GLIS1: variants seen among roughly 807,000 people sequenced by gnomAD.
The protein encoded by GLIS1 is zinc finger protein GLIS1.
In GLIS1, 24 loss-of-function variants were observed where a neutral mutation model predicts 63.8. That is an observed-to-expected ratio of 0.38 (90% CI 0.27 to 0.53). The LOEUF is 0.53. Ranked by LOEUF, GLIS1 falls within the 20% of genes least tolerant of loss-of-function variation. The pLI is 0.85. For synonymous variants in GLIS1, 450 were observed against 482.5 expected, an observed-to-expected ratio of 0.93 and a Z score of 0.88; for missense variants, 1,036 against 1,074.1, an observed-to-expected ratio of 0.96 and a Z score of 0.50.
intron 2 of GLIS1, among the ~76,000 whole-genome samples, chr1:53,661,874 C>T (rs1342924410): frequency 6.6e-6 from 1 of 152,214 alleles, no homozygotes; most frequent in Non-Finnish European, 1.5e-5. Flanking sequence ...CAACCCAGGA[C>T]TGCCAACAGG....
chr1:53,583,117 G>A (rs1008153357), intron 4 of GLIS1, among the ~76,000 whole-genome samples: 1 of 152,170 alleles, frequency 6.6e-6, no homozygotes, highest in Admixed American at 6.5e-5. Flanking sequence ...GGCAACTAGG[G>A]ACAGCGGGAA....
At chr1:53,531,541 G>C (rs968894146) in intron 4 of GLIS1, among the ~76,000 whole-genome samples, 1 of 152,194 alleles carries the variant, frequency 6.6e-6, no homozygotes, top group African/African-American at 2.4e-5. Flanking sequence ...GTAATTTCTG[G>C]TGCGAGGCTG....
At chr1:53,525,308 C>A (rs1281914665) in intron 5 of GLIS1, among the ~76,000 whole-genome samples, 1 of 150,848 alleles carries the variant, frequency 6.6e-6, no homozygotes, top group African/African-American at 2.4e-5. Flanking sequence ...GGGAAGGGGG[C>A]ACCCACACAG....
In GLIS1 at chr1:53,562,507, A is replaced by C. The variant is rs183333220; in HGVS notation, c.1320+31601T>G. Among the ~76,000 whole-genome samples, 670 of 152,194 alleles carry C rather than the reference A, an allele frequency of 4.4e-3. 7 individuals carry two copies. The highest frequency in any genetic ancestry group is 0.015 in the African/African-American group (631 of 41,528). ...TGCTCCTAAAAGACTAGCACCCCAG[A>C]CCACAGCCGAACTGGCTCAACATCA... is the stretch of plus-strand genomic sequence containing the variant. On this transcript the variant is annotated intron_variant, in intron 4 of 10. Coordinates refer to ENST00000628545, the MANE Select transcript of GLIS1 (RefSeq NM_001367484.1).
intron 2 of GLIS1, among the ~76,000 whole-genome samples, chr1:53,694,629 A>G (rs1245529014): frequency 6.6e-6 from 1 of 152,106 alleles, no homozygotes; most frequent in Non-Finnish European, 1.5e-5. Context: ...TCCACCTCCT[A>G]CAGGCTGTGT....
Position 53,594,589 on chromosome 1 carries a change from C to T in GLIS1, c.839G>A (p.Arg280Gln), listed in dbSNP as rs200251480. ...TSLVTCVNGLRSPPLTGDLGG... is the reference protein window; with the variant it reads ...TSLVTCVNGLQSPPLTGDLGG... The stretch of plus-strand genomic sequence containing the variant: ...CAGATCTCCCGTCAGAGGGGGGCTC[C>T]GGAGTCCATTTACACAGGTGACCAG... Residue 280 changes from arginine to glutamine, a missense_variant, in exon 4 of 11, where the codon CGG becomes CAG. By Grantham distance (43) the Arg-to-Gln change is conservative. This residue lies in a region of GLIS1 where 592 missense variants were observed against 593.9 expected (regional missense o/e 1.00). Coordinates refer to ENST00000628545, the MANE Select transcript of GLIS1 (RefSeq NM_001367484.1). 1.8e-4 allele frequency: 292 copies of T among 1,591,026 alleles called. 1 individual carries two copies. The highest frequency in any genetic ancestry group is 2.4e-4 in the South Asian group (21 of 89,258).
intron 2 of GLIS1, among the ~76,000 whole-genome samples, chr1:53,685,054 T>G (rs1646319665): frequency 6.6e-6 from 1 of 152,036 alleles, no homozygotes; most frequent in Non-Finnish European, 1.5e-5. Flanking sequence ...CTGGAGGAGA[T>G]GCTGGCAGAG....
intron 8 of GLIS1, among the ~76,000 whole-genome samples, chr1:53,513,712 T>C (rs749473609): frequency 6.6e-6 from 1 of 152,180 alleles, no homozygotes; most frequent in Non-Finnish European, 1.5e-5. Flanking sequence ...GCACCAGCAC[T>C]GGGCCCAGGG....
intron 4 of GLIS1, among the ~76,000 whole-genome samples, chr1:53,568,320 T>G (rs984155220): frequency 6.6e-6 from 1 of 152,204 alleles, no homozygotes; most frequent in Non-Finnish European, 1.5e-5. Context: ...AATGGGATAA[T>G]TTACCCAATG....
In GLIS1 at chr1:53,594,438, C is replaced by G. The variant is rs763238878; in HGVS notation, c.990G>C (p.Glu330Asp). 1 of 1,612,934 alleles carries G rather than the reference C, an allele frequency of 6.2e-7. No individual in the cohort carries two copies. Among genetic ancestry groups the G allele is most frequent in the East Asian group, 2.2e-5 (1 of 44,872 alleles). ...LKQEPADEFS[E>D]LFGPHQQGLP... ...GGCCCTGCTGGTGAGGCCCAAAGAG[C>G]TCTGAAAACTCATCCGCGGGTTCCT... is the stretch of plus-strand genomic sequence containing the variant. The change falls in exon 4 of 11, where the codon GAG (glutamate) becomes GAC (aspartate). Residue 330 changes from glutamate to aspartate, a missense_variant. Physicochemically the swap from Glu to Asp is conservative, Grantham distance 45. This residue lies in a region of GLIS1 where 592 missense variants were observed against 593.9 expected (regional missense o/e 1.00). Coordinates refer to ENST00000628545, the MANE Select transcript of GLIS1 (RefSeq NM_001367484.1).
Position 53,556,567 on chromosome 1 carries a change from G to GGT in GLIS1, c.1321-26617_1321-26616dup, listed in dbSNP as rs138350610. ...TGTGTGTGTGCAGGTGTACTGCAGG[G>GGT]GTGTGTGTATGCAGGTGTACTGTAG... On this transcript the variant is annotated intron_variant, in intron 4 of 10. Transcript: ENST00000628545. 6.7e-5 allele frequency among the ~76,000 whole-genome samples: 6 copies of GGT among 89,654 alleles called. 1 individual carries two copies. The highest frequency in any genetic ancestry group is 1.2e-4 in the Admixed American group (1 of 8,498). 58.8% of individuals were successfully genotyped at this position (89,654 alleles called of 152,430 possible).
chr1:53,707,666 T>A (rs1440934023), intron 2 of GLIS1, among the ~76,000 whole-genome samples: 1 of 151,280 alleles, frequency 6.6e-6, no homozygotes, highest in African/African-American at 2.4e-5. Flanking sequence ...AAAAAAGAAA[T>A]CAAAACCATT....
intron 2 of GLIS1, among the ~76,000 whole-genome samples, chr1:53,668,411 C>T (rs1570017445): frequency 6.6e-6 from 1 of 152,142 alleles, no homozygotes; most frequent in Non-Finnish European, 1.5e-5. Context: ...ACCCAGGCTG[C>T]AGTGCAGTGG....
intron 2 of GLIS1, among the ~76,000 whole-genome samples, chr1:53,729,195 A>G (rs996940088): frequency 6.6e-6 from 1 of 152,220 alleles, no homozygotes; most frequent in African/African-American, 2.4e-5. Flanking sequence ...AGAGGTTTTA[A>G]GCGAGAAGTT....
chr1:53,653,805 A>G (rs1645934601), intron 2 of GLIS1, among the ~76,000 whole-genome samples: 2 of 151,870 alleles, frequency 1.3e-5, no homozygotes, highest in Non-Finnish European at 2.9e-5. Flanking sequence ...GCCCTCCACC[A>G]TCCCCGCCCT....
At chr1:53,525,476 TGG>T (rs1569751567) in intron 5 of GLIS1, among the ~76,000 whole-genome samples, 1 of 97,716 alleles carries the variant, frequency 1.0e-5, no homozygotes, top group Admixed American at 1.1e-4. Flanking sequence ...CTGGGGAGGC[TGG>T]GGAGTCTGGC....
In GLIS1 at chr1:53,574,887, G is replaced by A. The variant is rs1310458214; in HGVS notation, c.1320+19221C>T. On this transcript the variant is annotated intron_variant, in intron 4 of 10. Transcript: ENST00000628545. The surrounding 1 kb of genome is among the most constrained non-coding windows in gnomAD (Gnocchi z 4.2). Reference sequence around the variant, plus strand: ...GGATGTCTTCCCTCGCCCACAGTCAGGCTCCTTCACAGCAACTCTCTTAAC... The same window carrying A: ...GGATGTCTTCCCTCGCCCACAGTCAAGCTCCTTCACAGCAACTCTCTTAAC... 2.0e-5 allele frequency among the ~76,000 whole-genome samples: 3 copies of A among 152,164 alleles called. No individual in the cohort carries two copies. The highest frequency in any genetic ancestry group is 2.9e-5 in the Non-Finnish European group (2 of 68,018).
intron 2 of GLIS1, among the ~76,000 whole-genome samples, chr1:53,709,409 T>TACAC (rs1288574790): frequency 0.034 from 310 of 9,164 alleles, 7 homozygotes; most frequent in East Asian, 0.32. Flanking sequence ...TACATATATA[T>TACAC]ATACACACAC....
At chr1:53,666,055 A>C (rs1402511618) in intron 2 of GLIS1, among the ~76,000 whole-genome samples, 1 of 152,190 alleles carries the variant, frequency 6.6e-6, no homozygotes, top group Non-Finnish European at 1.5e-5. Context: ...GGAGGTAGGA[A>C]GCATCAAGGG....
Sources: gnomAD v4.1 joint callset for allele counts (sites outside exome capture counted in the v4.1 genomes callset) on GRCh38, gnomAD v4.1.1 for gene constraint, gnomAD v4.1.1 regional missense constraint, Gnocchi (gnomAD v3.1) non-coding constraint, MANE v1.5 for transcripts, NCBI Gene and HGNC (gene_info 2026-07-23, HGNC 2026-07-21) for gene names.